The following ADAMTS4 variants were observed in gnomAD, a reference collection of about 807,000 sequenced individuals.
ADAMTS4 encodes A disintegrin and metalloproteinase with thrombospondin motifs 4.
Under a neutral mutation model 66.7 loss-of-function variants are expected in ADAMTS4, and 38 were observed. The ratio of observed to expected loss-of-function variants is 0.57; its 90% CI spans 0.44 to 0.75. ADAMTS4 has a LOEUF of 0.75. Ranked by LOEUF, ADAMTS4 falls within the 30% of genes least tolerant of loss-of-function variation. ADAMTS4 has a pLI of 0.00. For missense variants in ADAMTS4, 1,014 were observed against 1,116.7 expected (o/e 0.91, Z 1.31); for synonymous variants, 418 against 461.5 (o/e 0.91, Z 1.21).
chr1:161,196,669 C>T lies in ADAMTS4; in HGVS notation c.845G>A (p.Gly282Glu), dbSNP rs764256767. 3.7e-6 allele frequency: 6 copies of T among 1,614,062 alleles called. No homozygotes were observed. Among genetic ancestry groups the T allele is most frequent in the Admixed American group, 1.7e-5 (1 of 60,024 alleles). The change falls in exon 2 of 9, where the codon GGG becomes GAG. Residue 282 changes from glycine to glutamate, a missense_variant. Gly to Glu is a moderately conservative substitution (Grantham distance 98). Transcript: ENST00000367996. The part of the protein sequence containing the change: ...LGSGEEGPQV[G>E]PSAAQTLRSF... ...GCGCAGGGTCTGGGCAGCACTGGGCCCCACTTGGGGCCCCTCCTCGCCTGA... is the reference window on the plus strand; with the variant it reads ...GCGCAGGGTCTGGGCAGCACTGGGCTCCACTTGGGGCCCCTCCTCGCCTGA...
chr1:161,196,688 C>G lies in ADAMTS4; in HGVS notation c.826G>C (p.Glu276Gln). 1 of 1,614,024 alleles carries G rather than the reference C, an allele frequency of 6.2e-7. No individual in the cohort carries two copies. Among genetic ancestry groups the G allele is most frequent in the East Asian group, 2.2e-5 (1 of 44,878 alleles). The change falls in exon 2 of 9, where the codon GAG (glutamate) becomes CAG (glutamine). Residue 276 changes from glutamate to glutamine, a missense_variant. Glu to Gln is a conservative substitution (Grantham distance 29, BLOSUM62 2). Coordinates refer to ENST00000367996, the MANE Select transcript of ADAMTS4 (RefSeq NM_005099.6). ...VTRLVILGSG[E>Q]EGPQVGPSAA... The stretch of plus-strand genomic sequence containing the variant: ...CTGGGCCCCACTTGGGGCCCCTCCT[C>G]GCCTGACCCCAGGATCACTAGCCGA...
chr1:161,197,111 G>T, intron 1 of ADAMTS4: 1 of 516,480 alleles, frequency 1.9e-6, no homozygotes, highest in Non-Finnish European at 3.4e-6. Flanking sequence ...TCTAAGAAGG[G>T]GAGGAGAAGG....
chr1:161,196,022 G>A, intron 3 of ADAMTS4, 149 bp downstream of exon 3: 1 of 959,722 alleles, frequency 1.0e-6, no homozygotes, highest in Non-Finnish European at 1.5e-6. Flanking sequence ...GTAAATGTAT[G>A]TCTACACCTG....
intron 1 of ADAMTS4, among the ~76,000 whole-genome samples, chr1:161,197,694 CTG>C (rs1664909288): frequency 6.6e-6 from 1 of 151,694 alleles, no homozygotes; most frequent in Admixed American, 6.6e-5. Context: ...CTGCTGGGGA[CTG>C]TGTCAGTAGG....
In ADAMTS4 at chr1:161,193,885, A is replaced by G. The variant is rs776043198; in HGVS notation, c.1548+50T>C. On this transcript the variant is annotated intron_variant, in intron 5 of 8. Coordinates refer to ENST00000367996, the MANE Select transcript of ADAMTS4 (RefSeq NM_005099.6). This position sits in a 1 kb window ranked among gnomAD's most constrained non-coding sequence, Gnocchi z 4.4. ...TGAACTCTCTCCTGGGCTTAAGGCC[A>G]GTCCCCACACCCCCGGGCCCTTTAC... The G allele has an allele frequency of 6.4e-7, 1 of 1,564,376 alleles. No individual in the cohort carries two copies. Among genetic ancestry groups the G allele is most frequent in the Non-Finnish European group, 8.7e-7 (1 of 1,152,666 alleles).
At chr1:161,197,859 G>A in intron 1 of ADAMTS4, 136 bp downstream of exon 1, 1 of 1,349,850 alleles carries the variant, frequency 7.4e-7, no homozygotes, top group Non-Finnish European at 9.9e-7. Context: ...GAGGCTCATG[G>A]AGAAAGGAAA....
intron 3 of ADAMTS4, 142 bp downstream of exon 3, chr1:161,196,029 C>T: frequency 9.6e-7 from 1 of 1,040,526 alleles, no homozygotes. Flanking sequence ...TATGTCTACA[C>T]CTGGAGCAGA....
At chr1:161,196,370 A>C in intron 2 of ADAMTS4, 67 bp from the exon 3 acceptor site, 1 of 1,546,416 alleles carries the variant, frequency 6.5e-7, no homozygotes, top group Non-Finnish European at 8.7e-7. Flanking sequence ...GTTGAGATCC[A>C]GATTCCCGGG....
rs1289641930 is a variant in ADAMTS4 at position 161,186,158 on chromosome 1, C to G, written c.*4980G>C. The G allele has an allele frequency of 6.6e-6, 1 of 152,230 alleles. No individual in the cohort carries two copies. Among genetic ancestry groups the G allele is most frequent in the African/African-American group, 2.4e-5 (1 of 41,452 alleles). The allele number at this position is 152,230 out of a possible 1,614,324, so 9.4% of individuals were successfully genotyped here. A position where few individuals can be genotyped will look rare whatever the true frequency, so the allele number is the denominator to read the frequency against. ...TTCTGTTCCTCCTTATATATCTACA[C>G]CCCAGCTCAGGCCCACGAGGGCAAT... is the stretch of plus-strand genomic sequence containing the variant. On this transcript the variant is annotated 3_prime_UTR_variant, in exon 9 of 9. Transcript: ENST00000367996.
chr1:161,196,151 C>T lies in ADAMTS4; in HGVS notation c.1090+20G>A, dbSNP rs758893202. On this transcript the variant is annotated intron_variant, in intron 3 of 8. Transcript: ENST00000367996. Reference sequence around the variant, plus strand: ...CCACCTTCTCCTCCCTAATACCTTTCTCATCCACCCCTACTTTACCCAGTT... The same window carrying T: ...CCACCTTCTCCTCCCTAATACCTTTTTCATCCACCCCTACTTTACCCAGTT... The T allele has an allele frequency of 6.4e-7, 1 of 1,565,424 alleles. No individual in the cohort carries two copies. The highest frequency in any genetic ancestry group is 8.7e-7 in the Non-Finnish European group (1 of 1,153,444).
Position 161,195,534 on chromosome 1 carries a change from C to A in ADAMTS4, c.1192G>T (p.Val398Leu). ...GGGGACCAGGGCTCCTCAGGATCCA[C>A]ATGAGCCATCACAGGGGCCATGACA... ...RHVMAPVMAHVDPEEPWSPCS... is the reference protein window; with the variant it reads ...RHVMAPVMAHLDPEEPWSPCS... Residue 398 changes from valine (V) to leucine (L), a missense_variant, in exon 4 of 9, where the codon GTG becomes TTG. By Grantham distance (32) the Val-to-Leu change is conservative (BLOSUM62 1). Transcript: ENST00000367996. 1 of 1,614,008 alleles carries A rather than the reference C, an allele frequency of 6.2e-7. No homozygotes were observed. Among genetic ancestry groups the A allele is most frequent in the Non-Finnish European group, 8.5e-7 (1 of 1,179,934 alleles).
intron 3 of ADAMTS4, 42 bp from the exon 4 acceptor site, chr1:161,195,677 C>T: frequency 6.4e-7 from 1 of 1,562,428 alleles, no homozygotes; most frequent in Non-Finnish European, 8.7e-7. Context: ...GGGTCCCTTC[C>T]CCATGCCCTG....
At chr1:161,192,335 G>A (rs1037701844) in intron 7 of ADAMTS4, 95 bp from the exon 8 acceptor site, 15 of 1,297,262 alleles carry the variant, frequency 1.2e-5, no homozygotes, top group Non-Finnish European at 1.5e-5. Context: ...GGGAAGCAAT[G>A]TTGTCGGAAA....
At position 161,189,629 on chromosome 1, in the gene ADAMTS4, G is replaced by T. The variant is rs938127124; in HGVS notation, c.*1509C>A. Reference sequence around the variant, plus strand: ...AAAGGAACGGACCCTGAGGATAAAGGCAGGCACCATGGTTGTGGATCTTTG... The same window carrying T: ...AAAGGAACGGACCCTGAGGATAAAGTCAGGCACCATGGTTGTGGATCTTTG... On this transcript the variant is annotated 3_prime_UTR_variant, in exon 9 of 9. Transcript: ENST00000367996. 3 of 152,186 alleles carry T rather than the reference G, an allele frequency of 2.0e-5. No individual in the cohort carries two copies. Among genetic ancestry groups the T allele is most frequent in the African/African-American group, 7.2e-5 (3 of 41,438 alleles). 9.4% of individuals were successfully genotyped at this position (152,186 alleles called of 1,614,324 possible).
In ADAMTS4 at chr1:161,193,182, AG is replaced by A; in HGVS notation, c.1911+30del. ...GAGCACTGCGGGTGTGTGTGACCATAGACAGGGCCTGGGGGTGTCCTGACCC... is the reference window on the plus strand; with the variant it reads ...GAGCACTGCGGGTGTGTGTGACCATAACAGGGCCTGGGGGTGTCCTGACCC... On this transcript the variant is annotated intron_variant, in intron 7 of 8. Transcript: ENST00000367996. This position sits in a 1 kb window ranked among gnomAD's most constrained non-coding sequence, Gnocchi z 4.4. The A allele has an allele frequency of 6.3e-7, 1 of 1,595,232 alleles. No individual in the cohort carries two copies. Among genetic ancestry groups the A allele is most frequent in the South Asian group, 1.1e-5 (1 of 89,338 alleles).
chr1:161,192,030 C>T (rs1004871938), intron 8 of ADAMTS4, 35 bp downstream of exon 8: 25 of 1,607,438 alleles, frequency 1.6e-5, no homozygotes, highest in Non-Finnish European at 2.0e-5. Context: ...CCAGAATGTC[C>T]AGGAAGGTAG....
In ADAMTS4 at chr1:161,194,376, A is replaced by G. The variant is rs11265564; in HGVS notation, c.1262-155T>C. Among the ~76,000 whole-genome samples, 94,387 of 151,602 alleles carry G rather than the reference A, an allele frequency of 0.62. 29,764 individuals are homozygous for G. Among genetic ancestry groups the G allele is most frequent in the East Asian group, 0.89 (4,615 of 5,178 alleles). On this transcript the variant is annotated intron_variant, in intron 4 of 8. Transcript: ENST00000367996. This position sits in a 1 kb window ranked among gnomAD's most constrained non-coding sequence, Gnocchi z 4.1. ...TAAATTTTTGTTATTTATAATTTTTATTTTAATTACTTACTTTTTTTTTTT... is the reference window on the plus strand; with the variant it reads ...TAAATTTTTGTTATTTATAATTTTTGTTTTAATTACTTACTTTTTTTTTTT...
At position 161,193,874 on chromosome 1, in the gene ADAMTS4, G is replaced by A. The variant is rs1664744709; in HGVS notation, c.1549-48C>T. 2 of 1,568,020 alleles carry A rather than the reference G, an allele frequency of 1.3e-6. No homozygotes were observed. Among genetic ancestry groups the A allele is most frequent in the African/African-American group, 2.7e-5 (2 of 73,984 alleles). On this transcript the variant is annotated intron_variant, in intron 5 of 8. Transcript: ENST00000367996. This position sits in a 1 kb window ranked among gnomAD's most constrained non-coding sequence, Gnocchi z 4.4. ...TGGGGCATAAGTGAACTCTCTCCTG[G>A]GCTTAAGGCCAGTCCCCACACCCCC...
At position 161,191,400 on chromosome 1, in the gene ADAMTS4, A is replaced by AC; in HGVS notation, c.2251dup (p.Val751GlyfsTer151). On this transcript the variant is annotated frameshift_variant, in exon 9 of 9. Transcript: ENST00000367996. LOFTEE classifies it high-confidence loss of function. ...CAAGCTGACTGCCCCAGGCAGTACC[A>AC]CATCTGTGGGGGAGGGCATCAGCGT... 1 of 1,614,086 alleles carries AC rather than the reference A, an allele frequency of 6.2e-7. No individual in the cohort carries two copies. The highest frequency in any genetic ancestry group is 8.5e-7 in the Non-Finnish European group (1 of 1,180,002).
Sources: allele counts gnomAD v4.1 joint callset (sites outside exome capture counted in the v4.1 genomes callset), GRCh38; gene constraint gnomAD v4.1.1; non-coding constraint Gnocchi (gnomAD v3.1); transcripts MANE v1.5; gene names NCBI Gene and HGNC (gene_info 2026-07-23, HGNC 2026-07-21).